Variants in HILPDA observed in about 807,000 individuals in gnomAD.
HILPDA encodes hypoxia inducible lipid droplet associated, also known as hypoxia-inducible lipid droplet-associated protein.
For missense variants in HILPDA, 72 were observed against 73.5 expected, an observed-to-expected ratio of 0.98 and a Z score of 0.08; for synonymous variants, 37 against 33.2, an observed-to-expected ratio of 1.12 and a Z score of -0.40.
chr7:128,457,568 T>G lies in HILPDA; in HGVS notation c.*108T>G. 9.5e-7 allele frequency: 1 copy of G among 1,057,400 alleles called. No homozygotes were observed. Among genetic ancestry groups the G allele is most frequent in the South Asian group, 1.4e-5 (1 of 69,788 alleles). The allele number at this position is 1,057,400 out of a possible 1,614,324, so 65.5% of individuals were successfully genotyped here. A position where few individuals can be genotyped will look rare whatever the true frequency, so the allele number is the denominator to read the frequency against. On this transcript the variant is annotated 3_prime_UTR_variant, in exon 2 of 2. Transcript: ENST00000257696. ...CTGAGCACCGTTGTAACCAGAGAAC[T>G]ATTACTAGGCCTTGAAGAACCTGTC...
chr7:128,457,193 T>C lies in HILPDA; in HGVS notation c.-68-8T>C. On this transcript the variant is annotated splice_region_variant and splice_polypyrimidine_tract_variant and intron_variant, in intron 1 of 1. Transcript: ENST00000257696. ...GCTATAGATTCATCCTTTCCTCTTT[T>C]TTCTCAGGGTCCAGAGGCCTTTCAG... 1 of 1,264,134 alleles carries C rather than the reference T, an allele frequency of 7.9e-7. No homozygotes were observed. 78.3% of individuals were successfully genotyped at this position (1,264,134 alleles called of 1,614,324 possible).
At position 128,455,997 on chromosome 7, in the gene HILPDA, G is replaced by C. The variant is rs752015741; in HGVS notation, c.-95G>C. On this transcript the variant is annotated 5_prime_UTR_variant, in exon 1 of 2. Coordinates refer to ENST00000257696, the MANE Select transcript of HILPDA (RefSeq NM_013332.4). ...TGCACGACCTGCTCCTACAGCCGGC[G>C]ATCCACTCCCGGCTGTTCCCCCGGA... is the stretch of plus-strand genomic sequence containing the variant. The C allele has an allele frequency of 1.8e-5, 8 of 456,348 alleles. No individual in the cohort carries two copies. Among genetic ancestry groups the C allele is most frequent in the Non-Finnish European group, 3.5e-5 (8 of 226,902 alleles). The allele number at this position is 456,348 out of a possible 1,614,324, so 28.3% of individuals were successfully genotyped here.
In HILPDA at chr7:128,457,762, G is replaced by A. The variant is rs1302340198; in HGVS notation, c.*302G>A. On this transcript the variant is annotated 3_prime_UTR_variant, in exon 2 of 2. Transcript: ENST00000257696. ...CCCCATCTCTACTAAAAATACAAAA[G>A]TTAGCTGGGTGTGGTGGCAGAGGCC... is the stretch of plus-strand genomic sequence containing the variant. 4 of 270,766 alleles carry A rather than the reference G, an allele frequency of 1.5e-5. No homozygotes were observed. Among genetic ancestry groups the A allele is most frequent in the Non-Finnish European group, 2.2e-5 (3 of 133,740 alleles). The allele number at this position is 270,766 out of a possible 1,614,324, so 16.8% of individuals were successfully genotyped here.
At chr7:128,456,212 G>A in intron 1 of HILPDA, 189 bp downstream of exon 1, 1 of 322,168 alleles carries the variant, frequency 3.1e-6, no homozygotes, top group South Asian at 2.4e-5. Context: ...TAGGATCCAC[G>A]TGGCCCATCC....
At chr7:128,456,377 C>G in intron 1 of HILPDA, 1 of 178,450 alleles carries the variant, frequency 5.6e-6, no homozygotes, top group South Asian at 9.8e-5. Flanking sequence ...GGGTACCTAA[C>G]ACATTGCAGA....
chr7:128,457,568 T>C lies in HILPDA; in HGVS notation c.*108T>C, dbSNP rs527545319. ...CTGAGCACCGTTGTAACCAGAGAAC[T>C]ATTACTAGGCCTTGAAGAACCTGTC... On this transcript the variant is annotated 3_prime_UTR_variant, in exon 2 of 2. Transcript: ENST00000257696. The C allele has an allele frequency of 1.4e-4, 152 of 1,057,398 alleles. 1 individual carries two copies. Among genetic ancestry groups the C allele is most frequent in the Admixed American group, 2.5e-4 (12 of 47,270 alleles). The allele number at this position is 1,057,398 out of a possible 1,614,324, so 65.5% of individuals were successfully genotyped here.
In HILPDA at chr7:128,457,639, C is replaced by T. The variant is rs913229670; in HGVS notation, c.*179C>T. On this transcript the variant is annotated 3_prime_UTR_variant, in exon 2 of 2. Transcript: ENST00000257696. ...GGGCAAGGCCTGTTTAGGCCGGTTG[C>T]GGTGGCTCATGCCTGTAATCCTAGC... is the stretch of plus-strand genomic sequence containing the variant. The T allele has an allele frequency of 2.0e-5, 12 of 613,294 alleles. No homozygotes were observed. The highest frequency in any genetic ancestry group is 3.0e-5 in the Admixed American group (1 of 33,410). 38.0% of individuals were successfully genotyped at this position (613,294 alleles called of 1,614,324 possible).
rs572805570 is a variant in HILPDA at position 128,457,347 on chromosome 7, C to G, written c.79C>G (p.Leu27Val). The change falls in exon 2 of 2, where the codon CTA (leucine) becomes GTA (valine). Residue 27 changes from leucine to valine, a missense_variant. Physicochemically the swap from Leu to Val is conservative, Grantham distance 32. Coordinates refer to ENST00000257696, the MANE Select transcript of HILPDA (RefSeq NM_013332.4). ...CATCTTCGTTAGAGTGATGGAGTCC[C>G]TAGAGGGCTTACTAGAGAGCCCATC... is the stretch of plus-strand genomic sequence containing the variant. ...LSIFVRVMES[L>V]EGLLESPSPG... The G allele has an allele frequency of 5.0e-6, 8 of 1,613,912 alleles. No individual in the cohort carries two copies. In the East Asian group the frequency reaches 1.6e-4, roughly 31 times the overall value.
chr7:128,457,842 C>T lies in HILPDA; in HGVS notation c.*382C>T, dbSNP rs1460572357. 4 of 228,088 alleles carry T rather than the reference C, an allele frequency of 1.8e-5. No individual in the cohort carries two copies. The highest frequency in any genetic ancestry group is 4.5e-5 in the African/African-American group (2 of 44,360). The allele number at this position is 228,088 out of a possible 1,614,324, so 14.1% of individuals were successfully genotyped here. A position where few individuals can be genotyped will look rare whatever the true frequency, so the allele number is the denominator to read the frequency against. ...CGGGAGAATTGCTTGAACCCGGGGA[C>T]GGAGGTTGCAGTGAGCCGAGATCGC... On this transcript the variant is annotated 3_prime_UTR_variant, in exon 2 of 2. Transcript: ENST00000257696.
At position 128,457,633 on chromosome 7, in the gene HILPDA, C is replaced by G. The variant is rs567077954; in HGVS notation, c.*173C>G. The G allele has an allele frequency of 1.6e-6, 1 of 640,104 alleles. No homozygotes were observed. Among genetic ancestry groups the G allele is most frequent in the Non-Finnish European group, 2.7e-6 (1 of 370,108 alleles). The allele number at this position is 640,104 out of a possible 1,614,324, so 39.7% of individuals were successfully genotyped here. A position where few individuals can be genotyped will look rare whatever the true frequency, so the allele number is the denominator to read the frequency against. On this transcript the variant is annotated 3_prime_UTR_variant, in exon 2 of 2. Transcript: ENST00000257696. ...TTGCCTGGGCAAGGCCTGTTTAGGC[C>G]GGTTGCGGTGGCTCATGCCTGTAAT... is the stretch of plus-strand genomic sequence containing the variant.
chr7:128,457,094 A>G (rs1799552613), intron 1 of HILPDA, 107 bp from the exon 2 acceptor site: 3 of 508,066 alleles, frequency 5.9e-6, no homozygotes, highest in East Asian at 5.8e-5. Context: ...TGTGTCCCTC[A>G]CTGGCTAAGC....
intron 1 of HILPDA, 52 bp from the exon 2 acceptor site, chr7:128,457,149 G>A (rs1458366017): frequency 1.3e-6 from 1 of 772,376 alleles, no homozygotes; most frequent in African/African-American, 1.7e-5. Context: ...AGGGCTGGAT[G>A]CATGCATATC....
At chr7:128,456,896 A>G (rs1003688040) in intron 1 of HILPDA, among the ~76,000 whole-genome samples, 1 of 152,146 alleles carries the variant, frequency 6.6e-6, no homozygotes, top group African/African-American at 2.4e-5. Flanking sequence ...TCCTGACCTC[A>G]GGTGATCCAC....
chr7:128,457,569 AT>A lies in HILPDA; in HGVS notation c.*111del. 9.5e-7 allele frequency: 1 copy of A among 1,049,692 alleles called. No individual in the cohort carries two copies. Among genetic ancestry groups the A allele is most frequent in the Non-Finnish European group, 1.4e-6 (1 of 701,080 alleles). The allele number at this position is 1,049,692 out of a possible 1,614,324, so 65.0% of individuals were successfully genotyped here. A position where few individuals can be genotyped will look rare whatever the true frequency, so the allele number is the denominator to read the frequency against. ...TGAGCACCGTTGTAACCAGAGAACTATTACTAGGCCTTGAAGAACCTGTCTA... is the reference window on the plus strand; with the variant it reads ...TGAGCACCGTTGTAACCAGAGAACTATACTAGGCCTTGAAGAACCTGTCTA... On this transcript the variant is annotated 3_prime_UTR_variant, in exon 2 of 2. Transcript: ENST00000257696.
chr7:128,456,986 T>G (rs1799550332), intron 1 of HILPDA, among the ~76,000 whole-genome samples: 1 of 152,116 alleles, frequency 6.6e-6, no homozygotes, highest in Non-Finnish European at 1.5e-5. Context: ...TTTTAAGAAG[T>G]GTTCTTGAAT....
chr7:128,457,189 C>CT lies in HILPDA; in HGVS notation c.-68-6dup, dbSNP rs895419873. The CT allele has an allele frequency of 5.7e-6, 7 of 1,232,494 alleles. No individual in the cohort carries two copies. Among genetic ancestry groups the CT allele is most frequent in the Non-Finnish European group, 8.0e-6 (7 of 870,774 alleles). The allele number at this position is 1,232,494 out of a possible 1,614,324, so 76.3% of individuals were successfully genotyped here. Reference sequence around the variant, plus strand: ...AAAGGCTATAGATTCATCCTTTCCTCTTTTTTCTCAGGGTCCAGAGGCCTT... The same window carrying CT: ...AAAGGCTATAGATTCATCCTTTCCTCTTTTTTTCTCAGGGTCCAGAGGCCTT... On this transcript the variant is annotated splice_polypyrimidine_tract_variant and intron_variant, in intron 1 of 1. Coordinates refer to ENST00000257696, the MANE Select transcript of HILPDA (RefSeq NM_013332.4).
In HILPDA at chr7:128,457,527, A is replaced by C; in HGVS notation, c.*67A>C. Reference sequence around the variant, plus strand: ...CTAGACATGTCCAGATGGGAGTCCCATTCCTAGCAGACAAGCTGAGCACCG... The same window carrying C: ...CTAGACATGTCCAGATGGGAGTCCCCTTCCTAGCAGACAAGCTGAGCACCG... On this transcript the variant is annotated 3_prime_UTR_variant, in exon 2 of 2. Transcript: ENST00000257696. 7.1e-7 allele frequency: 1 copy of C among 1,411,366 alleles called. No homozygotes were observed. The allele number at this position is 1,411,366 out of a possible 1,614,324, so 87.4% of individuals were successfully genotyped here.
chr7:128,458,109 C>T lies in HILPDA; in HGVS notation c.*649C>T, dbSNP rs1799571046. On this transcript the variant is annotated 3_prime_UTR_variant, in exon 2 of 2. Transcript: ENST00000257696. ...GATATTTTCAACCCTACTTCCTAAACATCTGTCTGGGGTTCCTTTAGTCTT... is the reference window on the plus strand; with the variant it reads ...GATATTTTCAACCCTACTTCCTAAATATCTGTCTGGGGTTCCTTTAGTCTT... 1 of 167,114 alleles carries T rather than the reference C, an allele frequency of 6.0e-6. No homozygotes were observed. The highest frequency in any genetic ancestry group is 2.1e-4 in the South Asian group (1 of 4,788). The allele number at this position is 167,114 out of a possible 1,614,324, so 10.4% of individuals were successfully genotyped here.
At position 128,457,505 on chromosome 7, in the gene HILPDA, G is replaced by A. The variant is rs1303629702; in HGVS notation, c.*45G>A. 6.5e-7 allele frequency: 1 copy of A among 1,549,592 alleles called. No individual in the cohort carries two copies. Among genetic ancestry groups the A allele is most frequent in the Non-Finnish European group, 8.9e-7 (1 of 1,123,160 alleles). ...GGCCATATTTTGGAACACTGACCTA[G>A]ACATGTCCAGATGGGAGTCCCATTC... On this transcript the variant is annotated 3_prime_UTR_variant, in exon 2 of 2. Coordinates refer to ENST00000257696, the MANE Select transcript of HILPDA (RefSeq NM_013332.4).
Sources: gnomAD v4.1 joint callset for allele counts (sites outside exome capture counted in the v4.1 genomes callset) on GRCh38, gnomAD v4.1.1 for gene constraint, MANE v1.5 for transcripts, NCBI Gene and HGNC (gene_info 2026-07-23, HGNC 2026-07-21) for gene names.